LRRC56: variants seen among roughly 807,000 people sequenced by gnomAD.
LRRC56 encodes leucine rich repeat containing 56, also known as leucine-rich repeat-containing protein 56.
In LRRC56, 41 loss-of-function variants were observed where a neutral mutation model predicts 47.8. That is an observed-to-expected ratio of 0.86 (90% confidence interval 0.67 to 1.11). LRRC56 has a LOEUF of 1.11. Ranked by LOEUF, LRRC56 falls within the 50% of genes most tolerant of loss-of-function variation. The pLI is 0.00. For missense variants in LRRC56, 759 were observed against 704.2 expected, an observed-to-expected ratio of 1.08 and a Z score of -0.88; for synonymous variants, 387 against 311.2, an observed-to-expected ratio of 1.24 and a Z score of -2.56.
upstream of LRRC56, chr11:533,894 G>A (rs1057520410): frequency 1.2e-6 from 2 of 1,613,270 alleles, no homozygotes; most frequent in Non-Finnish European, 1.7e-6. Flanking sequence ...TATCCAGGAT[G>A]TCCAACAGGC....
At chr11:547,588 A>G (rs1459468332) in intron 6 of LRRC56, among the ~76,000 whole-genome samples, 4 of 151,284 alleles carry the variant, frequency 2.6e-5, no homozygotes, top group South Asian at 2.1e-4. Context: ...TCCTGACCTC[A>G]TGATCTGCCC....
the LRRC56 span, among the ~76,000 whole-genome samples, chr11:508,227 G>A: frequency 5.9e-5 from 9 of 152,168 alleles, no homozygotes; most frequent in East Asian, 1.3e-3. Flanking sequence ...CTGCAGTGGC[G>A]CGATCCCAGC....
chr11:510,287 C>G, the LRRC56 span, among the ~76,000 whole-genome samples: 1 of 152,196 alleles, frequency 6.6e-6, no homozygotes, highest in Non-Finnish European at 1.5e-5. Flanking sequence ...GGTGGAGAGT[C>G]CTGTGCCTGT....
At chr11:550,722 C>T (rs1852341077) in intron 8 of LRRC56, among the ~76,000 whole-genome samples, 1 of 152,200 alleles carries the variant, frequency 6.6e-6, no homozygotes, top group South Asian at 2.1e-4. Context: ...GCGTAGCTCA[C>T]AGACCCTACA....
chr11:551,515 T>C, intron 9 of LRRC56, 136 bp from the exon 10 acceptor site: 1 of 978,148 alleles, frequency 1.0e-6, no homozygotes, highest in Non-Finnish European at 1.5e-6. Context: ...GATGAGGGCC[T>C]CTCTAGAAGG....
upstream of LRRC56, chr11:533,287 GC>G: frequency 6.3e-7 from 1 of 1,594,450 alleles, no homozygotes; most frequent in Non-Finnish European, 8.5e-7. Flanking sequence ...AGCGCGAGGG[GC>G]CGCTGGGTCA....
At chr11:531,882 A>G in the LRRC56 span, among the ~76,000 whole-genome samples, 2 of 152,198 alleles carry the variant, frequency 1.3e-5, no homozygotes, top group Non-Finnish European at 2.9e-5. Context: ...GCAAGTCAGG[A>G]AAGGTGATGC....
At chr11:508,370 C>T in the LRRC56 span, among the ~76,000 whole-genome samples, 8 of 152,218 alleles carry the variant, frequency 5.3e-5, no homozygotes, top group South Asian at 4.1e-4. Flanking sequence ...CTGTGTTGCC[C>T]AGCCTGGTCT....
At position 543,132 on chromosome 11, in the gene LRRC56, TCCAC is replaced by T. The variant is rs568991159; in HGVS notation, c.265+1514_265+1517del. Among the ~76,000 whole-genome samples, 440 of 149,166 alleles carry T rather than the reference TCCAC, an allele frequency of 2.9e-3. 1 individual carries two copies. The highest frequency in any genetic ancestry group is 4.9e-3 in the Non-Finnish European group (324 of 66,536). Reference sequence around the variant, plus strand: ...GTCTTGAACTCCTGACCTCAAGTGATCCACCCACCTCAGCCTCCCAAAGTGCTGG... The same window carrying T: ...GTCTTGAACTCCTGACCTCAAGTGATCCACCTCAGCCTCCCAAAGTGCTGG... On this transcript the variant is annotated intron_variant, in intron 5 of 13. Transcript: ENST00000270115.
At position 554,437 on chromosome 11, in the gene LRRC56, G is replaced by A. The variant is rs1234591558; in HGVS notation, c.*161G>A. On this transcript the variant is annotated 3_prime_UTR_variant, in exon 14 of 14. Transcript: ENST00000270115. Reference sequence around the variant, plus strand: ...GGAGGGGAGTGGGGGACTGGGACCAGCCAGGGAGGCAGCAGAGGCTGGAAC... The same window carrying A: ...GGAGGGGAGTGGGGGACTGGGACCAACCAGGGAGGCAGCAGAGGCTGGAAC... 2 of 590,580 alleles carry A rather than the reference G, an allele frequency of 3.4e-6. No homozygotes were observed. Among genetic ancestry groups the A allele is most frequent in the Admixed American group, 7.7e-5 (2 of 26,140 alleles). The allele number at this position is 590,580 out of a possible 1,614,324, so 36.6% of individuals were successfully genotyped here.
Position 554,239 on chromosome 11 carries a change from C to T in LRRC56, c.1592C>T (p.Ala531Val). The T allele has an allele frequency of 6.6e-7, 1 of 1,511,176 alleles. No homozygotes were observed. The highest frequency in any genetic ancestry group is 1.4e-5 in the African/African-American group (1 of 72,288). 93.6% of individuals were successfully genotyped at this position (1,511,176 alleles called of 1,614,324 possible). A position where few individuals can be genotyped will look rare whatever the true frequency, so the allele number is the denominator to read the frequency against. ...GATGCAGCAGCTAGACCTCCCAGGG[C>T]AGCTGAACTCTCTCACCCCAGCCCC... is the stretch of plus-strand genomic sequence containing the variant. Reference protein sequence around the residue: ...APDAAARPPRAAELSHPSPVP... With the variant: ...APDAAARPPRVAELSHPSPVP... Residue 531 changes from alanine (A) to valine (V), a missense_variant, in exon 14 of 14, where the codon GCA becomes GTA. Ala to Val is a moderately conservative substitution (Grantham distance 64). Coordinates refer to ENST00000270115, the MANE Select transcript of LRRC56 (RefSeq NM_198075.4).
the LRRC56 span, among the ~76,000 whole-genome samples, chr11:531,190 T>C: frequency 6.6e-6 from 1 of 151,822 alleles, no homozygotes; most frequent in Non-Finnish European, 1.5e-5. Flanking sequence ...TGGTGTTCGC[T>C]GGAGAGAAGG....
the LRRC56 span, among the ~76,000 whole-genome samples, chr11:511,725 A>G: frequency 2.0e-5 from 3 of 152,224 alleles, no homozygotes; most frequent in Admixed American, 6.5e-5. Context: ...AAGATGCCTC[A>G]GGGCCCAGGC....
Position 550,066 on chromosome 11 carries a change from G to A in LRRC56, c.424-6G>A. On this transcript the variant is annotated splice_polypyrimidine_tract_variant and splice_region_variant and intron_variant, in intron 7 of 13. Coordinates refer to ENST00000270115, the MANE Select transcript of LRRC56 (RefSeq NM_198075.4). ...GGGCCCTGGCTCAGAGCCCCGCGCT[G>A]CCCAGGAACTCTACGCCTCCTACAA... The A allele has an allele frequency of 6.2e-7, 1 of 1,611,658 alleles. No homozygotes were observed. The highest frequency in any genetic ancestry group is 1.7e-5 in the Admixed American group (1 of 59,966).
chr11:550,708 C>T (rs1852340506), intron 8 of LRRC56, among the ~76,000 whole-genome samples: 1 of 152,164 alleles, frequency 6.6e-6, no homozygotes, highest in Non-Finnish European at 1.5e-5. Context: ...GCGTGCAGGC[C>T]CTGGCGTAGC....
rs768146850 is a variant in LRRC56, at chr11:552,103, C to G, written c.1052C>G (p.Pro351Arg). ...TTTCCTCCCCAGGCCAGGGAGCCCC[C>G]CGAGCAGCTGCCCCAACACAGGCCA... ...RRHQCQAREP[P>R]EQLPQHRPGD... The change falls in exon 12 of 14, where the codon CCC becomes CGC. Residue 351 changes from proline (P) to arginine (R), a missense_variant. Transcript: ENST00000270115. 2 of 1,611,228 alleles carry G rather than the reference C, an allele frequency of 1.2e-6. No individual in the cohort carries two copies. Among genetic ancestry groups the G allele is most frequent in the South Asian group, 2.2e-5 (2 of 91,004 alleles).
At chr11:525,432 G>A in the LRRC56 span, among the ~76,000 whole-genome samples, 4 of 151,748 alleles carry the variant, frequency 2.6e-5, no homozygotes, top group African/African-American at 4.8e-5. Flanking sequence ...CCAGCTACTC[G>A]GGAGGCTGAG....
chr11:534,537 C>G (rs973701938), upstream of LRRC56: 5 of 595,976 alleles, frequency 8.4e-6, no homozygotes, highest in Admixed American at 5.9e-5. Flanking sequence ...TGCAACCCAG[C>G]GTGCGGGAGG....
the LRRC56 span, chr11:532,155 G>C: frequency 3.7e-6 from 1 of 269,332 alleles, no homozygotes; most frequent in Non-Finnish European, 7.3e-6. Context: ...GCTATGGAGA[G>C]CCCAGGGCTG....
Sources: allele counts gnomAD v4.1 joint callset (sites outside exome capture counted in the v4.1 genomes callset), GRCh38; gene constraint gnomAD v4.1.1; transcripts MANE v1.5; gene names NCBI Gene and HGNC (gene_info 2026-07-23, HGNC 2026-07-21).